NCKAP5: variants seen among roughly 807,000 people sequenced by gnomAD.
NCKAP5 encodes NCK associated protein 5, also known as nck-associated protein 5.
In NCKAP5, 92 loss-of-function variants were observed where a neutral mutation model predicts 167.0. That is an observed-to-expected ratio of 0.55 (90% CI 0.47 to 0.66). NCKAP5 has a LOEUF of 0.66. NCKAP5 is among the 30% of genes least tolerant of loss of function. The pLI is 0.00. For synonymous variants in NCKAP5, 891 were observed against 877.4 expected (o/e 1.02, Z -0.27); for missense variants, 2,378 against 2,315.0 (o/e 1.03, Z -0.56).
intron 8 of NCKAP5, among the ~76,000 whole-genome samples, chr2:132,920,771 G>GTGTATATATATATATATATATA (rs1219401757): frequency 1.6e-4 from 5 of 31,570 alleles, no homozygotes; most frequent in Non-Finnish European, 3.3e-4. Context: ...ATATATGTAT[G>GTGTATATATATATATATATATA]TATATATATA....
intron 8 of NCKAP5, among the ~76,000 whole-genome samples, chr2:132,920,497 G>A (rs1427283281): frequency 6.6e-6 from 1 of 150,870 alleles, no homozygotes; most frequent in Non-Finnish European, 1.5e-5. Flanking sequence ...AAAAAAAGTG[G>A]GAGACAAAGG....
intron 3 of NCKAP5, among the ~76,000 whole-genome samples, chr2:133,417,849 G>A (rs940618283): frequency 6.6e-6 from 1 of 152,212 alleles, no homozygotes; most frequent in Non-Finnish European, 1.5e-5. Context: ...GACATTTTGA[G>A]TGAGAAGAAA....
At chr2:133,523,748 A>C (rs1206088576) in intron 2 of NCKAP5, among the ~76,000 whole-genome samples, 1 of 152,188 alleles carries the variant, frequency 6.6e-6, no homozygotes, top group East Asian at 1.9e-4. Flanking sequence ...ATTCATTGTT[A>C]TATTCCCTGC....
intron 3 of NCKAP5, among the ~76,000 whole-genome samples, chr2:133,379,440 C>T (rs950744972): frequency 9.2e-5 from 14 of 152,268 alleles, no homozygotes; most frequent in East Asian, 1.9e-4. Flanking sequence ...GGGATAGTGA[C>T]GATCTCATCA....
At chr2:132,957,378 A>G (rs1012884846) in intron 8 of NCKAP5, among the ~76,000 whole-genome samples, 1 of 152,188 alleles carries the variant, frequency 6.6e-6, no homozygotes, top group Admixed American at 6.5e-5. Context: ...GCTATTTCTT[A>G]CTAGCATAGT....
At chr2:133,525,165 T>C (rs1684772071) in intron 2 of NCKAP5, among the ~76,000 whole-genome samples, 1 of 152,210 alleles carries the variant, frequency 6.6e-6, no homozygotes, top group Non-Finnish European at 1.5e-5. Context: ...CTAACAAATT[T>C]CCCAAATGTG....
At chr2:133,438,186 G>A (rs551465707) in intron 3 of NCKAP5, among the ~76,000 whole-genome samples, 36 of 152,340 alleles carry the variant, frequency 2.4e-4, no homozygotes, top group African/African-American at 7.9e-4. Context: ...TCATATTTCA[G>A]TGTGAGCCAC....
intron 3 of NCKAP5, among the ~76,000 whole-genome samples, chr2:133,388,757 C>T (rs1250126976): frequency 2.6e-5 from 4 of 152,318 alleles, no homozygotes; most frequent in South Asian, 2.1e-4. Context: ...CCCCCAGCCT[C>T]GCTGCCACCT....
At chr2:133,592,531 G>A in the NCKAP5 span, among the ~76,000 whole-genome samples, 1 of 152,144 alleles carries the variant, frequency 6.6e-6, no homozygotes, top group Non-Finnish European at 1.5e-5. Context: ...ACTTTGCCTG[G>A]ATTCTTACAT....
At chr2:133,209,636 C>T (rs1177120046) in intron 5 of NCKAP5, among the ~76,000 whole-genome samples, 3 of 151,716 alleles carry the variant, frequency 2.0e-5, no homozygotes, top group African/African-American at 4.8e-5. Context: ...GAAGAAAATG[C>T]AGTGTGGTAC....
chr2:132,707,419 A>T (rs1263813676), intron 19 of NCKAP5, among the ~76,000 whole-genome samples: 1 of 152,196 alleles, frequency 6.6e-6, no homozygotes, highest in Non-Finnish European at 1.5e-5. Flanking sequence ...ATAAACTTGA[A>T]AGGCAGTCTG....
chr2:133,592,372 T>A, the NCKAP5 span, among the ~76,000 whole-genome samples: 13 of 152,258 alleles, frequency 8.5e-5, no homozygotes, highest in Admixed American at 2.0e-4. Context: ...TAATGCCAGA[T>A]AAGACTTGTA....
At chr2:133,331,183 C>A (rs1046105605) in intron 3 of NCKAP5, among the ~76,000 whole-genome samples, 2 of 152,080 alleles carry the variant, frequency 1.3e-5, no homozygotes, top group Non-Finnish European at 2.9e-5. Context: ...CTGATTAAGA[C>A]TTTTATCAGT....
At chr2:132,716,318 C>A (rs955426026) in intron 19 of NCKAP5, among the ~76,000 whole-genome samples, 1 of 152,306 alleles carries the variant, frequency 6.6e-6, no homozygotes, top group East Asian at 1.9e-4. Context: ...GCTCCCCCAA[C>A]ATGAAGTGGA....
intron 4 of NCKAP5, among the ~76,000 whole-genome samples, chr2:133,216,828 G>A (rs2086448725): frequency 6.6e-6 from 1 of 152,090 alleles, no homozygotes; most frequent in South Asian, 2.1e-4. Context: ...GGCTGTGTCG[G>A]AGGAGTAAGA....
chr2:132,700,937 G>C (rs959726480), intron 19 of NCKAP5, among the ~76,000 whole-genome samples: 4 of 146,856 alleles, frequency 2.7e-5, no homozygotes, highest in African/African-American at 5.0e-5. Context: ...GGGCGGGGGG[G>C]GGGGCTTTTA....
intron 5 of NCKAP5, among the ~76,000 whole-genome samples, chr2:133,167,957 A>G (rs1265449359): frequency 2.0e-5 from 3 of 152,180 alleles, no homozygotes; most frequent in Non-Finnish European, 4.4e-5. Flanking sequence ...TATCATCATA[A>G]CAGTGATAAG....
chr2:133,582,751 A>T, the NCKAP5 span, among the ~76,000 whole-genome samples: 1 of 152,226 alleles, frequency 6.6e-6, no homozygotes, highest in Admixed American at 6.5e-5. Context: ...ACCCTTTGTT[A>T]TAGTGAATAA....
intron 11 of NCKAP5, among the ~76,000 whole-genome samples, chr2:132,802,298 A>C (rs1685103521): frequency 6.6e-6 from 1 of 152,104 alleles, no homozygotes; most frequent in South Asian, 2.1e-4. Flanking sequence ...CCTCCCTCAA[A>C]TCTAGTGGAC....
Sources: gnomAD v4.1 joint callset for allele counts (sites outside exome capture counted in the v4.1 genomes callset) on GRCh38, gnomAD v4.1.1 for gene constraint, MANE v1.5 for transcripts, NCBI Gene and HGNC (gene_info 2026-07-23, HGNC 2026-07-21) for gene names.